Variants in RNF220 observed in about 807,000 individuals in gnomAD.
RNF220 encodes the protein E3 ubiquitin-protein ligase RNF220.
A neutral mutation model predicts 67.1 loss-of-function variants in RNF220; 7 were observed. The observed-to-expected ratio is 0.10, with a 90% confidence interval of 0.06 to 0.20. The LOEUF is 0.20. Among genes scored for constraint, RNF220 ranks in the 10% least tolerant of loss-of-function variants. RNF220 has a pLI of 1.00. For synonymous variants in RNF220, 270 were observed against 283.2 expected (o/e 0.95, Z 0.47); for missense variants, 565 against 740.3 (o/e 0.76, Z 2.75).
chr1:44,484,514 G>A (rs1447881372), intron 2 of RNF220, among the ~76,000 whole-genome samples: 3 of 152,124 alleles, frequency 2.0e-5, no homozygotes, highest in Non-Finnish European at 4.4e-5. Context: ...TCCCCCTGTG[G>A]CCGTGTCTGG....
intron 2 of RNF220, among the ~76,000 whole-genome samples, chr1:44,494,505 G>C (rs755946770): frequency 6.6e-6 from 1 of 151,810 alleles, no homozygotes; most frequent in Non-Finnish European, 1.5e-5. Context: ...CATGGTACAG[G>C]CATAACATGG....
chr1:44,617,544 G>C (rs1440193080), intron 3 of RNF220, among the ~76,000 whole-genome samples: 1 of 152,252 alleles, frequency 6.6e-6, no homozygotes, highest in Non-Finnish European at 1.5e-5. Context: ...CCGGGCTGAC[G>C]GCCGTTCAGC....
At chr1:44,552,563 CTTCTTTTTTTT>C (rs1480118267) in intron 2 of RNF220, among the ~76,000 whole-genome samples, 1 of 71,330 alleles carries the variant, frequency 1.4e-5, no homozygotes, top group African/African-American at 5.0e-5. Context: ...TTCTAAACTT[CTTCTTTTTTTT>C]TTTTTTTTTT....
chr1:44,407,848 C>A (rs1647541356), intron 1 of RNF220, among the ~76,000 whole-genome samples: 1 of 152,094 alleles, frequency 6.6e-6, no homozygotes, highest in Admixed American at 6.5e-5. Flanking sequence ...GGGTGACCCC[C>A]GGGGCGGGGC....
chr1:44,471,287 G>A (rs140143240), intron 2 of RNF220, among the ~76,000 whole-genome samples: 401 of 151,732 alleles, frequency 2.6e-3, no homozygotes, highest in African/African-American at 9.3e-3. Flanking sequence ...TTAGCTGGGC[G>A]AGGTGTTGGG....
At chr1:44,529,627 G>C (rs3012026) in intron 2 of RNF220, among the ~76,000 whole-genome samples, 146,726 of 152,242 alleles carry the variant, frequency 0.96, 70,950 homozygotes, top group Middle Eastern at 1. Context: ...CCACCTGCCT[G>C]GGCCTCCCAA....
chr1:44,491,938 AC>A (rs1291980578), intron 2 of RNF220, among the ~76,000 whole-genome samples: 1 of 152,186 alleles, frequency 6.6e-6, no homozygotes, highest in Non-Finnish European at 1.5e-5. Context: ...TGCTGGAATT[AC>A]AGGTGTGAGC....
intron 2 of RNF220, among the ~76,000 whole-genome samples, chr1:44,558,820 T>C (rs1663330104): frequency 6.6e-6 from 1 of 152,236 alleles, no homozygotes; most frequent in Non-Finnish European, 1.5e-5. Context: ...GATCAGTTAT[T>C]GGACTGTTTT....
rs916803862 is a variant in RNF220 at position 44,500,974 on chromosome 1, G to A, written c.625+88252G>A. On this transcript the variant is annotated intron_variant, in intron 2 of 14. Coordinates refer to ENST00000361799, the MANE Select transcript of RNF220 (RefSeq NM_018150.4). ...TGTCCTGTCAGAGAGTGGGCCTGGGGGCCCCATAGAGGCCCCTCGATTTGG... is the reference window on the plus strand; with the variant it reads ...TGTCCTGTCAGAGAGTGGGCCTGGGAGCCCCATAGAGGCCCCTCGATTTGG... Among the ~76,000 whole-genome samples the A allele has an allele frequency of 1.1e-4, 16 of 152,150 alleles. No homozygotes were observed. In the East Asian group the frequency reaches 1.2e-3, roughly 11 times the overall value.
chr1:44,461,765 G>A (rs1039264672), intron 2 of RNF220, among the ~76,000 whole-genome samples: 1 of 152,104 alleles, frequency 6.6e-6, no homozygotes, highest in Non-Finnish European at 1.5e-5. Flanking sequence ...AAAATGTATG[G>A]ATCCAGAAAC....
At chr1:44,614,071 G>C in intron 2 of RNF220, 94 bp from the exon 3 acceptor site, 1 of 1,547,364 alleles carries the variant, frequency 6.5e-7, no homozygotes, top group Non-Finnish European at 8.8e-7. Context: ...GCCCTAGAGG[G>C]CAGCAGCAGG....
intron 1 of RNF220, among the ~76,000 whole-genome samples, chr1:44,406,233 GGA>G (rs1647317242): frequency 6.6e-6 from 1 of 152,214 alleles, no homozygotes; most frequent in Admixed American, 6.5e-5. Flanking sequence ...GGGTGTGGAG[GGA>G]GGGAGGTGGG....
chr1:44,618,324 C>A (rs1643646866), intron 3 of RNF220, among the ~76,000 whole-genome samples: 2 of 152,140 alleles, frequency 1.3e-5, no homozygotes, highest in African/African-American at 4.8e-5. Flanking sequence ...ACAGATGTGC[C>A]CACACACACA....
At chr1:44,535,822 T>C (rs1661178573) in intron 2 of RNF220, among the ~76,000 whole-genome samples, 1 of 152,136 alleles carries the variant, frequency 6.6e-6, no homozygotes, top group Non-Finnish European at 1.5e-5. Flanking sequence ...CTTTGAAGAA[T>C]TGGCTTCTTC....
intron 1 of RNF220, among the ~76,000 whole-genome samples, chr1:44,408,339 C>T (rs1647606477): frequency 6.6e-6 from 1 of 152,220 alleles, no homozygotes; most frequent in African/African-American, 2.4e-5. Flanking sequence ...GGACCATACC[C>T]GGCCATGCCT....
Position 44,412,138 on chromosome 1 carries a change from C to T in RNF220, c.41C>T (p.Ser14Phe). The T allele has an allele frequency of 6.2e-7, 1 of 1,614,004 alleles. No homozygotes were observed. Among genetic ancestry groups the T allele is most frequent in the Non-Finnish European group, 8.5e-7 (1 of 1,179,918 alleles). ...GCAGCCTTCAAGATGGAGAACTCAT[C>T]CTACCTTCCCAACCCTCTGGCATCC... ...HRAAFKMENS[S>F]YLPNPLASPA... The change falls in exon 2 of 15, where the codon TCC (serine) becomes TTC (phenylalanine). Residue 14 changes from serine (S) to phenylalanine (F), a missense_variant. Transcript: ENST00000361799. This position sits in a 1 kb window ranked among gnomAD's most constrained non-coding sequence, Gnocchi z 5.3.
In RNF220 at chr1:44,464,835, C is replaced by G. The variant is rs1336311163; in HGVS notation, c.625+52113C>G. Among the ~76,000 whole-genome samples the G allele has an allele frequency of 2.0e-5, 3 of 152,192 alleles. No individual in the cohort carries two copies. In the East Asian group the frequency reaches 5.8e-4, roughly 29 times the overall value. On this transcript the variant is annotated intron_variant, in intron 2 of 14. Transcript: ENST00000361799. ...GCCGCTATAGCCTACTAACTGCTCT[C>G]CTTGTCTCTGGTCTCATCCTTTCCT... is the stretch of plus-strand genomic sequence containing the variant.
At chr1:44,406,930 C>A (rs2147788463) in intron 1 of RNF220, among the ~76,000 whole-genome samples, 1 of 152,328 alleles carries the variant, frequency 6.6e-6, no homozygotes, top group East Asian at 1.9e-4. Context: ...CGAGGGCGCG[C>A]AGGAGTCCCG....
At chr1:44,604,470 G>A (rs17383073) in intron 2 of RNF220, among the ~76,000 whole-genome samples, 32,698 of 152,304 alleles carry the variant, frequency 0.21, 4,098 homozygotes, top group Non-Finnish European at 0.29. Context: ...CCAAGGTCAT[G>A]GGTGTGAAAC....
Sources: allele counts gnomAD v4.1 joint callset (sites outside exome capture counted in the v4.1 genomes callset), GRCh38; gene constraint gnomAD v4.1.1; non-coding constraint Gnocchi (gnomAD v3.1); transcripts MANE v1.5; gene names NCBI Gene and HGNC (gene_info 2026-07-23, HGNC 2026-07-21).